The following CSMD3 variants were observed in gnomAD, a reference collection of about 807,000 sequenced individuals.
CSMD3 encodes CUB and sushi domain-containing protein 3.
CSMD3 carries 177 observed loss-of-function variants against 435.2 expected under a neutral mutation model. The ratio of observed to expected loss-of-function variants is 0.41; its 90% CI spans 0.36 to 0.46. CSMD3 has a LOEUF of 0.46. Among genes scored for constraint, CSMD3 ranks in the 20% least tolerant of loss-of-function variants. The pLI, the probability that CSMD3 is intolerant of heterozygous loss-of-function variation, is 0.34. For missense variants in CSMD3, 4,265 were observed against 4,504.6 expected, an observed-to-expected ratio of 0.95 and a Z score of 1.52; for synonymous variants, 1,656 against 1,520.5, an observed-to-expected ratio of 1.09 and a Z score of -2.07.
chr8:112,872,629 C>G (rs928458920), intron 10 of CSMD3, among the ~76,000 whole-genome samples: 1 of 151,980 alleles, frequency 6.6e-6, no homozygotes, highest in South Asian at 2.1e-4. Context: ...TTATCTACAG[C>G]GCTGCCTCCC....
chr8:112,875,518 A>C (rs919579541), intron 10 of CSMD3, among the ~76,000 whole-genome samples: 9 of 152,124 alleles, frequency 5.9e-5, no homozygotes, highest in Admixed American at 3.9e-4. Context: ...AGTGTTTTCC[A>C]ACTTGGTTCC....
intron 5 of CSMD3, among the ~76,000 whole-genome samples, chr8:113,041,842 T>TA (rs2131290456): frequency 6.6e-6 from 1 of 152,294 alleles, no homozygotes; most frequent in South Asian, 2.1e-4. Flanking sequence ...TTTTATACAT[T>TA]AAAATTTTTA....
rs77894362 is a variant in CSMD3, at chr8:113,352,834, T to C, written c.179-38041A>G. ...AAGAATCACATCACATAGGTCTTTG[T>C]ACAGCTTATCAAGGTGTTTGAATTG... On this transcript the variant is annotated intron_variant, in intron 1 of 70. Transcript: ENST00000297405. 8.3e-3 allele frequency among the ~76,000 whole-genome samples: 1,265 copies of C among 152,286 alleles called. 18 individuals are homozygous for C. The highest frequency in any genetic ancestry group is 0.029 in the African/African-American group (1,185 of 41,568).
At chr8:112,969,082 A>G (rs2084537903) in intron 7 of CSMD3, among the ~76,000 whole-genome samples, 1 of 152,010 alleles carries the variant, frequency 6.6e-6, no homozygotes, top group Non-Finnish European at 1.5e-5. Context: ...CTTTCACACA[A>G]TGCAGTTTTT....
At chr8:113,399,106 T>TATATATACACACACACAC (rs773585004) in intron 1 of CSMD3, among the ~76,000 whole-genome samples, 6 of 95,096 alleles carry the variant, frequency 6.3e-5, no homozygotes, top group African/African-American at 2.7e-4. Context: ...TATATATATA[T>TATATATACACACACACAC]ACACACACAC....
At position 112,231,591 on chromosome 8, in the gene CSMD3, T is replaced by C; in HGVS notation, c.10782A>G (p.Gly3594=). 1 of 1,612,618 alleles carries C rather than the reference T, an allele frequency of 6.2e-7. No homozygotes were observed. Among genetic ancestry groups the C allele is most frequent in the Non-Finnish European group, 8.5e-7 (1 of 1,178,874 alleles). The change falls in exon 69 of 71, where the codon GGA becomes GGG. Residue 3594 remains glycine, a synonymous_variant. Coordinates refer to ENST00000297405, the MANE Select transcript of CSMD3 (RefSeq NM_198123.2). ...EPDGATYVFQ[G]FIQGKDYGQF... is the part of the protein sequence containing the mutation. The stretch of plus-strand genomic sequence containing the variant: ...GTCCATAATCTTTGCCTTGAATAAA[T>C]CCTTGAAATACATAAGTAGCTCCAT...
chr8:112,838,614 A>G (rs951520938), intron 11 of CSMD3, among the ~76,000 whole-genome samples: 3 of 151,748 alleles, frequency 2.0e-5, no homozygotes, highest in Admixed American at 1.3e-4. Context: ...GGCCCACACA[A>G]AAATCTATGC....
chr8:112,719,261 T>A (rs981755499), intron 13 of CSMD3, among the ~76,000 whole-genome samples: 3 of 152,132 alleles, frequency 2.0e-5, no homozygotes, highest in Non-Finnish European at 4.4e-5. Context: ...GTTATGACTA[T>A]TTTCCAGAAG....
intron 1 of CSMD3, among the ~76,000 whole-genome samples, chr8:113,409,866 A>G (rs777682115): frequency 2.5e-4 from 35 of 142,230 alleles, no homozygotes; most frequent in Admixed American, 5.5e-4. Flanking sequence ...ATACTCCATT[A>G]AAGTAAAACA....
chr8:113,200,121 C>T (rs970334265), intron 3 of CSMD3, among the ~76,000 whole-genome samples: 1 of 151,784 alleles, frequency 6.6e-6, no homozygotes, highest in African/African-American at 2.4e-5. Flanking sequence ...TTTTTGCCAT[C>T]TTAATAACCG....
intron 13 of CSMD3, among the ~76,000 whole-genome samples, chr8:112,748,220 T>C (rs2077485505): frequency 6.6e-6 from 1 of 152,114 alleles, no homozygotes; most frequent in South Asian, 2.1e-4. Context: ...AAAAAATCAG[T>C]AAGGCTGATG....
chr8:112,989,639 G>T (rs904925145), intron 6 of CSMD3, among the ~76,000 whole-genome samples: 1 of 152,000 alleles, frequency 6.6e-6, no homozygotes, highest in African/African-American at 2.4e-5. Flanking sequence ...CTAAGAGGTA[G>T]AGTAGGTGTG....
At chr8:113,084,102 A>G (rs576695317) in intron 5 of CSMD3, among the ~76,000 whole-genome samples, 15 of 152,312 alleles carry the variant, frequency 9.8e-5, no homozygotes, top group African/African-American at 3.6e-4. Flanking sequence ...AAAGATTTAA[A>G]ATGAAGGAAT....
intron 27 of CSMD3, among the ~76,000 whole-genome samples, chr8:112,550,004 G>C (rs1380817051): frequency 6.6e-6 from 1 of 151,926 alleles, no homozygotes; most frequent in Non-Finnish European, 1.5e-5. Context: ...AGTTAAAACA[G>C]CATTTAAACA....
chr8:112,442,962 T>C (rs1157762445), intron 32 of CSMD3, among the ~76,000 whole-genome samples: 1 of 152,178 alleles, frequency 6.6e-6, no homozygotes, highest in Non-Finnish European at 1.5e-5. Context: ...AATAAACTTC[T>C]GTTTTGTTTA....
chr8:113,342,065 C>T (rs1362507542), intron 1 of CSMD3, among the ~76,000 whole-genome samples: 2 of 151,058 alleles, frequency 1.3e-5, no homozygotes, highest in Non-Finnish European at 2.9e-5. Context: ...TTACCAGTTG[C>T]TTTAAAAGAT....
At chr8:112,389,572 T>C (rs1830242511) in intron 36 of CSMD3, among the ~76,000 whole-genome samples, 4 of 152,200 alleles carry the variant, frequency 2.6e-5, no homozygotes, top group Admixed American at 2.6e-4. Context: ...TCCCAACACC[T>C]GTCAAGTAAT....
chr8:112,959,457 TATC>T (rs1410812461), intron 7 of CSMD3, among the ~76,000 whole-genome samples: 2 of 151,958 alleles, frequency 1.3e-5, no homozygotes, highest in Admixed American at 1.3e-4. Context: ...AATTCAATCA[TATC>T]ATAATTCTTT....
At chr8:112,734,548 A>G (rs977576150) in intron 13 of CSMD3, among the ~76,000 whole-genome samples, 2 of 152,022 alleles carry the variant, frequency 1.3e-5, no homozygotes, top group Non-Finnish European at 2.9e-5. Context: ...GAGAAATGAT[A>G]TAACATTAGT....
Sources: allele counts gnomAD v4.1 joint callset (sites outside exome capture counted in the v4.1 genomes callset), GRCh38; gene constraint gnomAD v4.1.1; transcripts MANE v1.5; gene names NCBI Gene and HGNC (gene_info 2026-07-23, HGNC 2026-07-21).